EPHA8: variants seen among roughly 807,000 people sequenced by gnomAD.
The protein encoded by EPHA8 is EPH receptor A8, also known as ephrin type-A receptor 8.
In EPHA8, 58 loss-of-function variants were observed where a neutral mutation model predicts 103.6. The ratio of observed to expected loss-of-function variants is 0.56; its 90% CI spans 0.45 to 0.70. The LOEUF is 0.70. Among genes scored for constraint, EPHA8 ranks in the 30% least tolerant of loss-of-function variants. The probability of loss-of-function intolerance (pLI) is 0.00; values close to 1 mark genes in which losing one functional copy is unlikely to be tolerated. For missense variants in EPHA8, 1,304 were observed against 1,395.2 expected, an observed-to-expected ratio of 0.93 and a Z score of 1.04; for synonymous variants, 559 against 572.5, an observed-to-expected ratio of 0.98 and a Z score of 0.34.
At chr1:22,575,011 T>C (rs554031760) in intron 2 of EPHA8, among the ~76,000 whole-genome samples, 74 of 152,290 alleles carry the variant, frequency 4.9e-4, no homozygotes, top group African/African-American at 1.7e-3. Context: ...AGAACAGTAG[T>C]GCGATCTTGG....
In EPHA8 at chr1:22,593,647, C is replaced by A. The variant is rs1408235070; in HGVS notation, c.1564C>A (p.Arg522Ser). Residue 522 changes from arginine to serine, a missense_variant, in exon 7 of 17, where the codon CGC becomes AGC. Coordinates refer to ENST00000166244, the MANE Select transcript of EPHA8 (RefSeq NM_020526.5). ...AGCCCGCACCTCAGCAGGCTGTGGC[C>A]GCTTCAGCCAGGCCATGGAGGTGGA... Reference protein sequence around the residue: ...VRARTSAGCGRFSQAMEVETG... With the variant: ...VRARTSAGCGSFSQAMEVETG... 1.2e-6 allele frequency: 2 copies of A among 1,605,968 alleles called. No individual in the cohort carries two copies. Among genetic ancestry groups the A allele is most frequent in the Admixed American group, 1.7e-5 (1 of 59,304 alleles).
chr1:22,580,402 G>A (rs1215595445), intron 3 of EPHA8, among the ~76,000 whole-genome samples: 1 of 152,104 alleles, frequency 6.6e-6, no homozygotes, highest in East Asian at 1.9e-4. Context: ...GCCTCCCAAA[G>A]TGCTGGGATT....
In EPHA8 at chr1:22,595,261, G is replaced by T. The variant is rs754998997; in HGVS notation, c.1635G>T (p.Trp545Cys). 3 of 1,613,720 alleles carry T rather than the reference G, an allele frequency of 1.9e-6. No individual in the cohort carries two copies. The South Asian group carries it at 3.3e-5, about 18-fold the overall frequency. Reference sequence around the variant, plus strand: ...GCTATGACACCAGGACCATTGTCTGGATCTGCCTGACGCTCATCACGGGCC... The same window carrying T: ...GCTATGACACCAGGACCATTGTCTGTATCTGCCTGACGCTCATCACGGGCC... ...RPRYDTRTIVWICLTLITGLV... is the reference protein window; with the variant it reads ...RPRYDTRTIVCICLTLITGLV... The change falls in exon 8 of 17, where the codon TGG becomes TGT. Residue 545 changes from tryptophan to cysteine, a missense_variant. By Grantham distance (215) the Trp-to-Cys change is radical. Transcript: ENST00000166244.
intron 3 of EPHA8, among the ~76,000 whole-genome samples, chr1:22,579,207 G>C (rs925738426): frequency 6.7e-6 from 1 of 149,784 alleles, no homozygotes; most frequent in East Asian, 2.0e-4. Flanking sequence ...GTACCTGTGT[G>C]CATGTGTGTG....
intron 4 of EPHA8, 148 bp downstream of exon 4, chr1:22,586,783 G>GGGGC (rs75174037): frequency 9.8e-7 from 1 of 1,016,154 alleles, no homozygotes; most frequent in African/African-American, 1.7e-5. Flanking sequence ...TCTGAGGTGG[G>GGGGC]GGGGGTGACT....
At chr1:22,577,801 AGT>A (rs1211263355) in intron 3 of EPHA8, among the ~76,000 whole-genome samples, 1 of 105,456 alleles carries the variant, frequency 9.5e-6, no homozygotes, top group African/African-American at 3.7e-5. Context: ...TGTGTGCGTA[AGT>A]GTATGTGTGC....
At position 22,595,239 on chromosome 1, in the gene EPHA8, A is replaced by G. The variant is rs893984706; in HGVS notation, c.1613A>G (p.Tyr538Cys). 8 of 1,610,430 alleles carry G rather than the reference A, an allele frequency of 5.0e-6. No individual in the cohort carries two copies. The highest frequency in any genetic ancestry group is 3.3e-5 in the Admixed American group (2 of 59,926). Residue 538 changes from tyrosine (Y) to cysteine (C), a missense_variant, in exon 8 of 17, where the codon TAT becomes TGT. Coordinates refer to ENST00000166244, the MANE Select transcript of EPHA8 (RefSeq NM_020526.5). ...EVETGKPRPR[Y>C]DTRTIVWICL... ...TGGCTTTCCCCTGCAGGGCCCCGCT[A>G]TGACACCAGGACCATTGTCTGGATC...
chr1:22,579,061 G>C (rs1267831552), intron 3 of EPHA8, among the ~76,000 whole-genome samples: 1 of 150,938 alleles, frequency 6.6e-6, no homozygotes, highest in Non-Finnish European at 1.5e-5. Flanking sequence ...GTGCATGTAT[G>C]TATGCATGTG....
At chr1:22,578,199 CGTGCGAGTGTGT>C (rs1413915132) in intron 3 of EPHA8, among the ~76,000 whole-genome samples, 8 of 40,970 alleles carry the variant, frequency 2.0e-4, no homozygotes, top group African/African-American at 3.1e-4. Context: ...CATGTGTGTG[CGTGCGAGTGTGT>C]GCGTGTGAGT....
At chr1:22,578,669 A>C (rs1424392155) in intron 3 of EPHA8, among the ~76,000 whole-genome samples, 2 of 137,126 alleles carry the variant, frequency 1.5e-5, no homozygotes, top group African/African-American at 5.5e-5. Flanking sequence ...GAGTGTATGT[A>C]TGCATTTGTG....
Position 22,597,749 on chromosome 1 carries a change from C to T in EPHA8, c.2004C>T (p.Ala668=), listed in dbSNP as rs1441415082. 6.3e-5 allele frequency: 101 copies of T among 1,613,018 alleles called. No homozygotes were observed. Among genetic ancestry groups the T allele is most frequent in the Non-Finnish European group, 8.3e-5 (98 of 1,179,982 alleles). Residue 668 remains alanine (A), a synonymous_variant, in exon 11 of 17, where the codon GCC becomes GCT. Transcript: ENST00000166244. The surrounding 1 kb of genome is among the most constrained non-coding windows in gnomAD (Gnocchi z 4.6). ...GGGATGTGCCCGTGGCCATCAAGGC[C>T]CTCAAAGCCGGCTACACGGAGAGAC... The part of the protein sequence containing the change: ...GQRDVPVAIK[A]LKAGYTERQR...
chr1:22,589,450 A>G lies in EPHA8; in HGVS notation c.1315+244A>G. 1.3e-6 allele frequency: 2 copies of G among 1,490,408 alleles called. No individual in the cohort carries two copies. The highest frequency in any genetic ancestry group is 1.8e-6 in the Non-Finnish European group (2 of 1,128,618). The allele number at this position is 1,490,408 out of a possible 1,614,324, so 92.3% of individuals were successfully genotyped here. A position where few individuals can be genotyped will look rare whatever the true frequency, so the allele number is the denominator to read the frequency against. ...GAGGCAGGCTAGTGTGGCCGTCGAAAGCCTAGGTTCCAGAACTTTCCCTCT... is the reference window on the plus strand; with the variant it reads ...GAGGCAGGCTAGTGTGGCCGTCGAAGGCCTAGGTTCCAGAACTTTCCCTCT... On this transcript the variant is annotated intron_variant, in intron 5 of 16. Transcript: ENST00000166244. The surrounding 1 kb of genome is among the most constrained non-coding windows in gnomAD (Gnocchi z 4.3).
At chr1:22,590,937 C>A (rs1282063683) in intron 5 of EPHA8, among the ~76,000 whole-genome samples, 1 of 152,086 alleles carries the variant, frequency 6.6e-6, no homozygotes, top group Non-Finnish European at 1.5e-5. Flanking sequence ...GACTCTCATG[C>A]ATGTCACATC....
At chr1:22,581,418 C>T (rs1015562497) in intron 3 of EPHA8, among the ~76,000 whole-genome samples, 8 of 152,368 alleles carry the variant, frequency 5.3e-5, no homozygotes, top group African/African-American at 1.7e-4. Flanking sequence ...GTGAACTGAA[C>T]CACATCTGTC....
intron 4 of EPHA8, 53 bp downstream of exon 4, chr1:22,586,688 C>T (rs1015412946): frequency 1.9e-6 from 3 of 1,592,092 alleles, no homozygotes; most frequent in African/African-American, 2.7e-5. Context: ...TGGGCCGGGC[C>T]CCTGTGTTTG....
At chr1:22,594,014 G>C (rs1641448892) in intron 7 of EPHA8, among the ~76,000 whole-genome samples, 1 of 152,198 alleles carries the variant, frequency 6.6e-6, no homozygotes, top group Admixed American at 6.5e-5. Context: ...TGTATTTTTA[G>C]TAGAGACGGG....
At chr1:22,586,150 G>A (rs1336820589) in intron 3 of EPHA8, among the ~76,000 whole-genome samples, 1 of 152,206 alleles carries the variant, frequency 6.6e-6, no homozygotes, top group Non-Finnish European at 1.5e-5. Flanking sequence ...TAAAGCTGGA[G>A]ACAGGGCCTG....
intron 3 of EPHA8, among the ~76,000 whole-genome samples, chr1:22,578,397 C>T (rs1640848058): frequency 9.5e-6 from 1 of 105,426 alleles, no homozygotes; most frequent in African/African-American, 3.7e-5. Context: ...TGCATGTCTG[C>T]ATGAGTGTAT....
Position 22,598,256 on chromosome 1 carries a change from G to A in EPHA8, c.2178+44G>A. The stretch of plus-strand genomic sequence containing the variant: ...CCTCTTGCATGGGCTTGGGGAGGGA[G>A]GTCCAGTCTGGGTGCTGGGAGATAG... On this transcript the variant is annotated intron_variant, in intron 12 of 16. Coordinates refer to ENST00000166244, the MANE Select transcript of EPHA8 (RefSeq NM_020526.5). This position sits in a 1 kb window ranked among gnomAD's most constrained non-coding sequence, Gnocchi z 5.1. 6.3e-7 allele frequency: 1 copy of A among 1,590,942 alleles called. No individual in the cohort carries two copies. Among genetic ancestry groups the A allele is most frequent in the Non-Finnish European group, 8.6e-7 (1 of 1,164,174 alleles).
Sources: allele counts gnomAD v4.1 joint callset (sites outside exome capture counted in the v4.1 genomes callset), GRCh38; gene constraint gnomAD v4.1.1; non-coding constraint Gnocchi (gnomAD v3.1); transcripts MANE v1.5; gene names NCBI Gene and HGNC (gene_info 2026-07-23, HGNC 2026-07-21).